Variants in MICAL3 observed in about 807,000 individuals in gnomAD.
MICAL3 encodes the protein [F-actin]-monooxygenase MICAL3.
A neutral mutation model predicts 207.4 loss-of-function variants in MICAL3; 62 were observed. The ratio of observed to expected loss-of-function variants is 0.30; its 90% CI spans 0.24 to 0.37. The LOEUF is 0.37. MICAL3 is among the 10% of genes least tolerant of loss of function. The pLI, the probability that MICAL3 is intolerant of heterozygous loss-of-function variation, is 1.00. For missense variants in MICAL3, 2,368 were observed against 2,635.6 expected (o/e 0.90, Z 2.22); for synonymous variants, 1,077 against 1,069.3 (o/e 1.01, Z -0.14).
At chr22:17,848,624 G>T (rs879630946) in intron 19 of MICAL3, among the ~76,000 whole-genome samples, 2 of 152,226 alleles carry the variant, frequency 1.3e-5, no homozygotes, top group Non-Finnish European at 2.9e-5. Flanking sequence ...GAAACCTAAA[G>T]TAGTGGGATG....
At chr22:17,976,516 T>C (rs1177612059) in intron 1 of MICAL3, among the ~76,000 whole-genome samples, 1 of 146,236 alleles carries the variant, frequency 6.8e-6, no homozygotes, top group Non-Finnish European at 1.5e-5. Context: ...AAAATATACA[T>C]GTATATATGT....
intron 20 of MICAL3, among the ~76,000 whole-genome samples, chr22:17,838,955 CTTTTTTTTT>C (rs869097812): frequency 1.1e-5 from 1 of 88,438 alleles, no homozygotes; most frequent in Admixed American, 1.3e-4. Flanking sequence ...CCCCTAGATG[CTTTTTTTTT>C]TTTTTTTTTT....
At chr22:18,016,106 T>A (rs990070464) in intron 1 of MICAL3, among the ~76,000 whole-genome samples, 34 of 152,230 alleles carry the variant, frequency 2.2e-4, no homozygotes, top group Non-Finnish European at 4.7e-4. Context: ...TCATGTTGCA[T>A]TCCCCACAAA....
chr22:17,902,270 T>C lies in MICAL3; in HGVS notation c.590-291A>G, dbSNP rs1931389681. 2.0e-5 allele frequency among the ~76,000 whole-genome samples: 3 copies of C among 152,282 alleles called. No individual in the cohort carries two copies. The South Asian group carries it at 6.2e-4, about 32-fold the overall frequency. ...AAAATTAGCCAGGCATGGTGACACA[T>C]GCCTGTAATCCCAGCTACTCTGGAG... On this transcript the variant is annotated intron_variant, in intron 4 of 31. Coordinates refer to ENST00000441493, the MANE Select transcript of MICAL3 (RefSeq NM_015241.3). This position sits in a 1 kb window ranked among gnomAD's most constrained non-coding sequence, Gnocchi z 4.5.
At chr22:18,014,116 G>GACACAC (rs35404796) in intron 1 of MICAL3, among the ~76,000 whole-genome samples, 5,325 of 147,974 alleles carry the variant, frequency 0.036, 298 homozygotes, top group African/African-American at 0.12. Context: ...CCCTCTCTTA[G>GACACAC]ACACACACAC....
intron 1 of MICAL3, among the ~76,000 whole-genome samples, chr22:17,946,449 G>C (rs2146347797): frequency 6.6e-6 from 1 of 152,266 alleles, no homozygotes; most frequent in African/African-American, 2.4e-5. Context: ...ATTTAGTGTA[G>C]GGAACTAACT....
intron 1 of MICAL3, among the ~76,000 whole-genome samples, chr22:17,925,776 T>TGTA (rs1337693001): frequency 6.6e-6 from 1 of 152,180 alleles, no homozygotes; most frequent in Non-Finnish European, 1.5e-5. Flanking sequence ...GGAAGGGTAC[T>TGTA]ACTGCACAAA....
intron 1 of MICAL3, among the ~76,000 whole-genome samples, chr22:17,915,907 T>C (rs375314203): frequency 5.9e-5 from 9 of 151,274 alleles, no homozygotes; most frequent in Non-Finnish European, 1.2e-4. Context: ...CTGGGCAATA[T>C]AGCAAGACCC....
At position 17,796,899 on chromosome 22, in the gene MICAL3, T is replaced by C. The variant is rs541178813; in HGVS notation, c.5651-5598A>G. On this transcript the variant is annotated intron_variant, in intron 29 of 31. Transcript: ENST00000441493. This position sits in a 1 kb window ranked among gnomAD's most constrained non-coding sequence, Gnocchi z 4.4. Reference sequence around the variant, plus strand: ...CATGGGCCCAAGACCCAGTGTGGGGTAGAATGGCCAACAGTGTGGGGGAAA... The same window carrying C: ...CATGGGCCCAAGACCCAGTGTGGGGCAGAATGGCCAACAGTGTGGGGGAAA... Among the ~76,000 whole-genome samples the C allele has an allele frequency of 8.5e-4, 129 of 152,202 alleles. No individual in the cohort carries two copies. The highest frequency in any genetic ancestry group is 3.0e-3 in the African/African-American group (124 of 41,504).
rs1569124672 is a variant in MICAL3 at position 17,900,583 on chromosome 22, C to A, written c.847+259G>T. ...CGCCACTGAACTCCAGCCTGGGCAA[C>A]AGAGCGAGACCTTGTCTCAAACAAA... On this transcript the variant is annotated intron_variant, in intron 6 of 31. Coordinates refer to ENST00000441493, the MANE Select transcript of MICAL3 (RefSeq NM_015241.3). The surrounding 1 kb of genome is among the most constrained non-coding windows in gnomAD (Gnocchi z 4.0). Among the ~76,000 whole-genome samples the A allele has an allele frequency of 1.3e-5, 2 of 152,200 alleles. No homozygotes were observed. Among genetic ancestry groups the A allele is most frequent in the African/African-American group, 4.8e-5 (2 of 41,436 alleles).
chr22:17,898,561 G>A (rs181189775), intron 7 of MICAL3, among the ~76,000 whole-genome samples: 47 of 152,310 alleles, frequency 3.1e-4, no homozygotes, highest in Non-Finnish European at 5.0e-4. Flanking sequence ...ACATCACCCT[G>A]CAAAGACAAA....
At chr22:17,987,513 G>A (rs1158029144) in intron 1 of MICAL3, among the ~76,000 whole-genome samples, 4 of 152,346 alleles carry the variant, frequency 2.6e-5, no homozygotes, top group East Asian at 3.9e-4. Context: ...TGCCCCCTGG[G>A]CAGCCTAGCA....
At chr22:17,899,282 A>G in intron 7 of MICAL3, 166 bp downstream of exon 7, 2 of 694,694 alleles carry the variant, frequency 2.9e-6, no homozygotes, top group Non-Finnish European at 5.3e-6. Flanking sequence ...AATTAGCCAT[A>G]GTTAAGAGTT....
chr22:17,970,341 G>A (rs1443845549), intron 1 of MICAL3, among the ~76,000 whole-genome samples: 3 of 152,232 alleles, frequency 2.0e-5, no homozygotes, highest in Non-Finnish European at 1.5e-5. Flanking sequence ...GAGGATGTTC[G>A]TGGTCTGCCC....
At chr22:17,998,023 C>T (rs1382346128) in intron 1 of MICAL3, among the ~76,000 whole-genome samples, 3 of 152,224 alleles carry the variant, frequency 2.0e-5, no homozygotes, top group East Asian at 1.9e-4. Flanking sequence ...AAACCTGGGC[C>T]GGGTGTGGTG....
intron 8 of MICAL3, 64 bp downstream of exon 8, chr22:17,896,660 T>C (rs1930865172): frequency 1.3e-6 from 2 of 1,531,672 alleles, no homozygotes; most frequent in Admixed American, 3.5e-5. Flanking sequence ...AGACCCAGGA[T>C]GCCCAGATTC....
At chr22:17,803,388 C>A (rs191780728) in intron 29 of MICAL3, among the ~76,000 whole-genome samples, 2 of 152,032 alleles carry the variant, frequency 1.3e-5, no homozygotes, top group African/African-American at 4.8e-5. Flanking sequence ...TGAAAATGGT[C>A]GGGCTGAGAT....
intron 19 of MICAL3, among the ~76,000 whole-genome samples, chr22:17,847,158 C>T (rs74337678): frequency 6.6e-6 from 1 of 152,144 alleles, no homozygotes; most frequent in East Asian, 1.9e-4. Flanking sequence ...GGTGGCAAAG[C>T]CCCCCTGTAC....
At chr22:17,795,317 G>C (rs955162407) in intron 29 of MICAL3, among the ~76,000 whole-genome samples, 4 of 152,202 alleles carry the variant, frequency 2.6e-5, no homozygotes, top group African/African-American at 9.6e-5. Flanking sequence ...GGAACACCTG[G>C]ATGAATCCCA....
Sources: gnomAD v4.1 joint callset for allele counts (sites outside exome capture counted in the v4.1 genomes callset) on GRCh38, gnomAD v4.1.1 for gene constraint, Gnocchi (gnomAD v3.1) non-coding constraint, MANE v1.5 for transcripts, NCBI Gene and HGNC (gene_info 2026-07-23, HGNC 2026-07-21) for gene names.